TSGA10: variants seen among roughly 807,000 people sequenced by gnomAD.
The protein encoded by TSGA10 is testis specific 10, also known as testis-specific gene 10 protein.
TSGA10 carries 43 observed loss-of-function variants against 96.6 expected under a neutral mutation model. That is an observed-to-expected ratio of 0.44 (90% CI 0.35 to 0.57). The LOEUF is 0.57. Ranked by LOEUF, TSGA10 falls within the 20% of genes least tolerant of loss-of-function variation. The probability of loss-of-function intolerance (pLI) is 0.01; values close to 1 mark genes in which losing one functional copy is unlikely to be tolerated. For synonymous variants in TSGA10, 229 were observed against 269.9 expected (o/e 0.85, Z 1.48); for missense variants, 703 against 834.4 (o/e 0.84, Z 1.94).
At chr2:99,059,185 A>G (rs1001420623) in intron 16 of TSGA10, among the ~76,000 whole-genome samples, 1 of 150,882 alleles carries the variant, frequency 6.6e-6, no homozygotes, top group Non-Finnish European at 1.5e-5. Flanking sequence ...TGTCTCAACA[A>G]AAAACAAAAC....
At chr2:99,137,926 T>C (rs2093393501) in intron 1 of TSGA10, among the ~76,000 whole-genome samples, 2 of 149,684 alleles carry the variant, frequency 1.3e-5, no homozygotes, top group African/African-American at 4.9e-5. Context: ...ATGAGTTGCC[T>C]GTATATAATA....
chr2:99,019,199 G>C (rs1002768606), intron 18 of TSGA10, among the ~76,000 whole-genome samples: 17 of 152,242 alleles, frequency 1.1e-4, no homozygotes, highest in Non-Finnish European at 4.4e-5. Context: ...CACTCACACA[G>C]AACATTCTAT....
chr2:99,031,832 C>T (rs2081163650), intron 17 of TSGA10, among the ~76,000 whole-genome samples: 1 of 152,216 alleles, frequency 6.6e-6, no homozygotes. Context: ...TTGTGTTCCA[C>T]AGGCAAGGGA....
At chr2:99,034,117 G>A (rs1319595309) in intron 17 of TSGA10, among the ~76,000 whole-genome samples, 3 of 152,152 alleles carry the variant, frequency 2.0e-5, no homozygotes, top group Non-Finnish European at 4.4e-5. Flanking sequence ...TCAACTGCTT[G>A]AGAGTGCAAA....
chr2:99,153,516 G>C (rs2093714231), intron 1 of TSGA10, among the ~76,000 whole-genome samples: 1 of 152,182 alleles, frequency 6.6e-6, no homozygotes, highest in Non-Finnish European at 1.5e-5. Context: ...AAGTCCTGGA[G>C]CAGGGAGGAG....
chr2:99,012,512 GT>G (rs2079087282), intron 20 of TSGA10, among the ~76,000 whole-genome samples: 2 of 152,136 alleles, frequency 1.3e-5, no homozygotes, highest in African/African-American at 4.8e-5. Context: ...CAAATGGAAA[GT>G]GAGCAAGAGT....
intron 1 of TSGA10, among the ~76,000 whole-genome samples, chr2:99,143,052 C>T (rs1292420022): frequency 6.6e-6 from 1 of 151,928 alleles, no homozygotes; most frequent in East Asian, 1.9e-4. Flanking sequence ...GACTTTCTCC[C>T]CTAACCTGAG....
chr2:99,136,519 C>CAAAAGAACTATGAACATATCCCTTCTGGA lies in TSGA10; in HGVS notation c.-620-9344_-620-9343insTCCAGAAGGGATATGTTCATAGTTCTTTT, dbSNP rs1280297152. Among the ~76,000 whole-genome samples, 231 of 98,842 alleles carry CAAAAGAACTATGAACATATCCCTTCTGGA rather than the reference C, an allele frequency of 2.3e-3. 5 individuals are homozygous for CAAAAGAACTATGAACATATCCCTTCTGGA. The highest frequency in any genetic ancestry group is 4.9e-3 in the East Asian group (7 of 1,422). 64.8% of individuals were successfully genotyped at this position (98,842 alleles called of 152,430 possible). A position where few individuals can be genotyped will look rare whatever the true frequency, so the allele number is the denominator to read the frequency against. On this transcript the variant is annotated intron_variant, in intron 1 of 20. Transcript: ENST00000393483. ...GAAGCTACAAAAAAAGTATTTCTGCCGGGCGCGGTGGCTCACGCCTGTAAT... is the reference window on the plus strand; with the variant it reads ...GAAGCTACAAAAAAAGTATTTCTGCCAAAAGAACTATGAACATATCCCTTCTGGAGGGCGCGGTGGCTCACGCCTGTAAT...
chr2:99,040,778 C>T (rs1420340087), intron 16 of TSGA10, among the ~76,000 whole-genome samples: 1 of 151,698 alleles, frequency 6.6e-6, no homozygotes, highest in Non-Finnish European at 1.5e-5. Flanking sequence ...ACCTAAACAT[C>T]CTAAAATTCG....
chr2:99,017,182 AT>A (rs768457077), intron 20 of TSGA10, among the ~76,000 whole-genome samples: 2 of 152,228 alleles, frequency 1.3e-5, no homozygotes, highest in Non-Finnish European at 2.9e-5. Context: ...AAAAGTCATT[AT>A]ATGAAAAAGA....
chr2:99,039,888 C>T (rs530234785), intron 16 of TSGA10, among the ~76,000 whole-genome samples: 10 of 152,132 alleles, frequency 6.6e-5, no homozygotes, highest in Admixed American at 3.3e-4. Flanking sequence ...ACTAGCTAGC[C>T]GAATCCAACA....
intron 1 of TSGA10, among the ~76,000 whole-genome samples, chr2:99,149,427 A>G (rs1039892869): frequency 4.3e-4 from 63 of 145,988 alleles, no homozygotes; most frequent in African/African-American, 1.5e-3. Context: ...GCCTCCCTCC[A>G]TGCTACATGA....
intron 10 of TSGA10, among the ~76,000 whole-genome samples, chr2:99,101,837 G>C (rs1319817264): frequency 6.6e-6 from 1 of 152,166 alleles, no homozygotes; most frequent in Non-Finnish European, 1.5e-5. Flanking sequence ...TCTCTAAACA[G>C]TTAAACTCAG....
chr2:99,014,775 C>T (rs1352179827), intron 20 of TSGA10, among the ~76,000 whole-genome samples: 1 of 151,934 alleles, frequency 6.6e-6, no homozygotes, highest in Admixed American at 6.5e-5. Context: ...AGAGAAGATC[C>T]AAATTAGCTC....
intron 20 of TSGA10, among the ~76,000 whole-genome samples, chr2:99,005,384 T>G (rs2078371030): frequency 6.6e-6 from 1 of 152,196 alleles, no homozygotes; most frequent in Admixed American, 6.5e-5. Flanking sequence ...ATTGTATATC[T>G]AGAAAACCCC....
intron 17 of TSGA10, among the ~76,000 whole-genome samples, chr2:99,028,276 T>G (rs2080826270): frequency 6.6e-6 from 1 of 152,250 alleles, no homozygotes; most frequent in South Asian, 2.1e-4. Flanking sequence ...CTGATCCAAT[T>G]ACATTTGATC....
chr2:99,150,484 A>C, intron 1 of TSGA10: 1 of 1,459,606 alleles, frequency 6.9e-7, no homozygotes, highest in Non-Finnish European at 9.2e-7. Flanking sequence ...TTTTTTCAGT[A>C]ATCAAGTTGA....
chr2:98,999,131 A>G (rs1002913436), intron 20 of TSGA10, among the ~76,000 whole-genome samples: 1 of 152,010 alleles, frequency 6.6e-6, no homozygotes, highest in Non-Finnish European at 1.5e-5. Flanking sequence ...CCTGGCCTCA[A>G]ATGATCCTCC....
chr2:99,129,164 G>T (rs1197527458), intron 1 of TSGA10, among the ~76,000 whole-genome samples: 1 of 151,936 alleles, frequency 6.6e-6, no homozygotes, highest in Non-Finnish European at 1.5e-5. Context: ...ATATTCTCCA[G>T]GTTTTCTCTG....
Sources: allele counts gnomAD v4.1 joint callset (sites outside exome capture counted in the v4.1 genomes callset), GRCh38; gene constraint gnomAD v4.1.1; transcripts MANE v1.5; gene names NCBI Gene and HGNC (gene_info 2026-07-23, HGNC 2026-07-21).